The following CCDC7 variants were observed in gnomAD, a reference collection of about 807,000 sequenced individuals.
CCDC7 encodes the protein coiled-coil domain-containing protein 7.
CCDC7 carries 183 observed loss-of-function variants against 196.9 expected under a neutral mutation model. That is an observed-to-expected ratio of 0.93 (90% CI 0.82 to 1.05). The LOEUF is 1.05. Ranked by LOEUF, CCDC7 falls within the 50% of genes least tolerant of loss-of-function variation. The probability of loss-of-function intolerance (pLI) is 0.00; values close to 1 mark genes in which losing one functional copy is unlikely to be tolerated. For synonymous variants in CCDC7, 525 were observed against 484.6 expected (o/e 1.08, Z -1.10); for missense variants, 1,540 against 1,482.2 (o/e 1.04, Z -0.64).
rs151039239 is a variant in CCDC7 at position 32,828,975 on chromosome 10, A to T, written c.3268+4371A>T. Reference sequence around the variant, plus strand: ...CAATTCAATTAAACTGGAAGTTAAGAGTGCCACATGGACACTTTGGGCTCC... The same window carrying T: ...CAATTCAATTAAACTGGAAGTTAAGTGTGCCACATGGACACTTTGGGCTCC... On this transcript the variant is annotated intron_variant, in intron 32 of 41. Transcript: ENST00000639629. 6.6e-3 allele frequency among the ~76,000 whole-genome samples: 1,008 copies of T among 152,304 alleles called. 8 individuals are homozygous for T. The highest frequency in any genetic ancestry group is 0.022 in the African/African-American group (902 of 41,556).
At chr10:32,708,812 CAGAAAACAACAGGTGCT>C (rs2080280849) in intron 24 of CCDC7, among the ~76,000 whole-genome samples, 2 of 152,156 alleles carry the variant, frequency 1.3e-5, no homozygotes, top group Non-Finnish European at 2.9e-5. Flanking sequence ...ATTAAAAAGT[CAGAAAACAACAGGTGCT>C]GGAGAGGATG....
At chr10:32,474,304 A>T (rs543819468) in intron 8 of CCDC7, among the ~76,000 whole-genome samples, 1 of 131,180 alleles carries the variant, frequency 7.6e-6, no homozygotes, top group South Asian at 2.5e-4. Flanking sequence ...GCTCACTGCA[A>T]CCTCTGCCTC....
At chr10:32,627,871 C>T (rs73257465) in intron 18 of CCDC7, among the ~76,000 whole-genome samples, 2,666 of 151,854 alleles carry the variant, frequency 0.018, 83 homozygotes, top group African/African-American at 0.061. Flanking sequence ...TCTCACTTGA[C>T]CTTGATAGGT....
At chr10:32,566,712 G>A (rs1410796481) in intron 14 of CCDC7, among the ~76,000 whole-genome samples, 3 of 151,436 alleles carry the variant, frequency 2.0e-5, no homozygotes, top group East Asian at 1.9e-4. Flanking sequence ...AAGAATTTGC[G>A]AACAGCCTGG....
chr10:32,459,928 CT>C (rs2035266942), intron 3 of CCDC7, among the ~76,000 whole-genome samples: 1 of 151,852 alleles, frequency 6.6e-6, no homozygotes, highest in Non-Finnish European at 1.5e-5. Context: ...GATATTGACC[CT>C]TTTATATATG....
intron 8 of CCDC7, among the ~76,000 whole-genome samples, chr10:32,481,403 C>T (rs1317950499): frequency 6.6e-6 from 1 of 151,912 alleles, no homozygotes; most frequent in Non-Finnish European, 1.5e-5. Context: ...TTGCTATCTT[C>T]CTTTGTGATT....
chr10:32,821,227 G>A (rs543898103), intron 31 of CCDC7, among the ~76,000 whole-genome samples: 1 of 152,278 alleles, frequency 6.6e-6, no homozygotes, highest in Admixed American at 6.5e-5. Context: ...ACCATCACTG[G>A]CCACCAGAGA....
chr10:32,813,431 T>A (rs567768265), intron 30 of CCDC7, among the ~76,000 whole-genome samples: 1 of 152,186 alleles, frequency 6.6e-6, no homozygotes, highest in Non-Finnish European at 1.5e-5. Flanking sequence ...TCAAGGGACC[T>A]CAGAGGGCAG....
intron 24 of CCDC7, among the ~76,000 whole-genome samples, chr10:32,696,196 T>C (rs1255988922): frequency 6.6e-6 from 1 of 151,966 alleles, no homozygotes; most frequent in Non-Finnish European, 1.5e-5. Flanking sequence ...CATTCAGTAA[T>C]GGGTTCCATA....
chr10:32,449,026 CTGTTA>C (rs1462036582), upstream of CCDC7, among the ~76,000 whole-genome samples: 2 of 151,818 alleles, frequency 1.3e-5, no homozygotes, highest in African/African-American at 2.4e-5. Flanking sequence ...GTTGTTTTAT[CTGTTA>C]TATTTTTCAT....
At chr10:32,707,502 A>G (rs962894155) in intron 24 of CCDC7, among the ~76,000 whole-genome samples, 4 of 152,220 alleles carry the variant, frequency 2.6e-5, no homozygotes, top group Admixed American at 6.5e-5. Context: ...AATAAAAGGT[A>G]TTCAATTAGG....
At chr10:32,659,214 GT>G (rs1348079330) in intron 20 of CCDC7, among the ~76,000 whole-genome samples, 2 of 152,130 alleles carry the variant, frequency 1.3e-5, no homozygotes, top group Admixed American at 1.3e-4. Flanking sequence ...ATCATTTCAT[GT>G]TTTGTTATGT....
At chr10:32,567,575 A>T (rs2057008682) in intron 14 of CCDC7, 95 bp from the exon 16 acceptor site, 2 of 1,359,072 alleles carry the variant, frequency 1.5e-6, no homozygotes, top group East Asian at 2.5e-5. Context: ...TTGAGAAATC[A>T]TGTAGGCGTA....
At chr10:32,664,228 T>G (rs11009022) in intron 21 of CCDC7, 67 bp downstream of exon 22, 1 of 383,504 alleles carries the variant, frequency 2.6e-6, no homozygotes, top group Non-Finnish European at 4.6e-6. Context: ...CAAGTAAAAA[T>G]TATATACATT....
At chr10:32,875,800 T>TAA (rs2094580719) in intron 41 of CCDC7, among the ~76,000 whole-genome samples, 1 of 152,066 alleles carries the variant, frequency 6.6e-6, no homozygotes, top group Non-Finnish European at 1.5e-5. Context: ...ATTTCCTCCA[T>TAA]GATACTAAGT....
At chr10:32,673,489 G>A (rs1214689571) in intron 21 of CCDC7, among the ~76,000 whole-genome samples, 1 of 151,946 alleles carries the variant, frequency 6.6e-6, no homozygotes, top group Non-Finnish European at 1.5e-5. Flanking sequence ...TTTCGAATAA[G>A]TGTATTGCTA....
At chr10:32,683,976 G>A (rs957866983) in intron 21 of CCDC7, among the ~76,000 whole-genome samples, 1 of 152,166 alleles carries the variant, frequency 6.6e-6, no homozygotes, top group Non-Finnish European at 1.5e-5. Flanking sequence ...TATCCTCAGG[G>A]CAATGGGGAC....
intron 13 of CCDC7, among the ~76,000 whole-genome samples, chr10:32,552,102 T>C (rs2053573596): frequency 6.6e-6 from 1 of 152,210 alleles, no homozygotes; most frequent in South Asian, 2.1e-4. Flanking sequence ...CATAAATGTT[T>C]AGGATTGTGA....
chr10:32,592,493 C>T (rs982936367), intron 18 of CCDC7, among the ~76,000 whole-genome samples: 5 of 151,768 alleles, frequency 3.3e-5, no homozygotes, highest in African/African-American at 9.7e-5. Flanking sequence ...GTACAACTTT[C>T]GCTGCATCTT....
Sources: allele counts gnomAD v4.1 joint callset (sites outside exome capture counted in the v4.1 genomes callset), GRCh38; gene constraint gnomAD v4.1.1; transcripts MANE v1.5; gene names NCBI Gene and HGNC (gene_info 2026-07-23, HGNC 2026-07-21).